ELP4: variants seen among roughly 807,000 people sequenced by gnomAD.
The protein encoded by ELP4 is elongator acetyltransferase complex subunit 4.
Under a neutral mutation model 48.9 loss-of-function variants are expected in ELP4, and 51 were observed. That is an observed-to-expected ratio of 1.04 (90% CI 0.83 to 1.32). The LOEUF (loss-of-function observed/expected upper bound fraction) is 1.32, where lower values mean the gene tolerates loss of function less well. ELP4 is among the 40% of genes most tolerant of loss of function. The pLI, the probability that ELP4 is intolerant of heterozygous loss-of-function variation, is 0.00. For missense variants in ELP4, 519 were observed against 514.6 expected, an observed-to-expected ratio of 1.01 and a Z score of -0.08; for synonymous variants, 210 against 189.2, an observed-to-expected ratio of 1.11 and a Z score of -0.90.
chr11:31,785,345 T>G lies in ELP4; in HGVS notation c.*1821T>G. 5.4e-6 allele frequency: 1 copy of G among 184,080 alleles called. No individual in the cohort carries two copies. The highest frequency in any genetic ancestry group is 1.2e-5 in the Non-Finnish European group (1 of 86,568). 11.4% of individuals were successfully genotyped at this position (184,080 alleles called of 1,614,324 possible). A position where few individuals can be genotyped will look rare whatever the true frequency, so the allele number is the denominator to read the frequency against. ...ATGGAACAATTACATAGCATTTGAC[T>G]TGCTGAAAAAGAGATACGAGGTCAT... On this transcript the variant is annotated 3_prime_UTR_variant, in exon 10 of 10. Transcript: ENST00000640961.
At chr11:31,645,530 A>G (rs1473798932) in intron 7 of ELP4, 1 of 151,804 alleles carries the variant, frequency 6.6e-6, no homozygotes, top group East Asian at 1.9e-4. Context: ...TATTCATATA[A>G]TTGAGAAAGT....
chr11:31,718,295 A>G (rs1946882982), intron 9 of ELP4, among the ~76,000 whole-genome samples: 1 of 152,230 alleles, frequency 6.6e-6, no homozygotes, highest in South Asian at 2.1e-4. Flanking sequence ...TATTTTCTAT[A>G]TGCAGATATA....
intron 7 of ELP4, chr11:31,632,741 G>T (rs1033509338): frequency 8.2e-5 from 14 of 171,526 alleles, no homozygotes; most frequent in South Asian, 3.9e-4. Flanking sequence ...ATGGTTAGTG[G>T]TTTATCTCCC....
intron 9 of ELP4, among the ~76,000 whole-genome samples, chr11:31,742,222 G>A (rs1947471633): frequency 2.0e-5 from 3 of 152,166 alleles, no homozygotes. Flanking sequence ...AACGAACAAA[G>A]CCTACAAGAA....
intron 3 of ELP4, among the ~76,000 whole-genome samples, chr11:31,573,843 A>G (rs1432669474): frequency 1.5e-4 from 23 of 151,884 alleles, no homozygotes; most frequent in Non-Finnish European, 4.4e-5. Context: ...ACTTCAATGT[A>G]CGGACCTGAG....
intron 3 of ELP4, among the ~76,000 whole-genome samples, chr11:31,582,864 C>G (rs566811007): frequency 1.3e-5 from 2 of 152,192 alleles, no homozygotes; most frequent in African/African-American, 4.8e-5. Context: ...CTTCTGAAAG[C>G]CTTAGCAGTG....
intron 9 of ELP4, among the ~76,000 whole-genome samples, chr11:31,690,050 G>T: frequency 6.6e-6 from 1 of 152,108 alleles, no homozygotes; most frequent in East Asian, 1.9e-4. Flanking sequence ...CATGTGTTTC[G>T]TATGCATTAT....
At chr11:31,544,269 C>G (rs1240731598) in intron 3 of ELP4, among the ~76,000 whole-genome samples, 1 of 152,214 alleles carries the variant, frequency 6.6e-6, no homozygotes, top group Non-Finnish European at 1.5e-5. Context: ...TGACAGACGG[C>G]ACCTGGAAAA....
intron 9 of ELP4, among the ~76,000 whole-genome samples, chr11:31,679,274 A>G (rs955516621): frequency 1.3e-5 from 2 of 152,222 alleles, no homozygotes; most frequent in Non-Finnish European, 2.9e-5. Context: ...CATAATCAAG[A>G]CTATACCACA....
chr11:31,520,327 T>G (rs1385176796), intron 2 of ELP4, among the ~76,000 whole-genome samples: 1 of 152,216 alleles, frequency 6.6e-6, no homozygotes, highest in East Asian at 1.9e-4. Flanking sequence ...TGTTCATAGT[T>G]CATTGTGCTC....
rs1944880860 is a variant in ELP4, at chr11:31,632,414, T to C, written c.927+9T>C. Reference sequence around the variant, plus strand: ...CAACACATCTGATCCAGGTACGAAATTTCCAGAACTACTTTTTCATAATTC... The same window carrying C: ...CAACACATCTGATCCAGGTACGAAACTTCCAGAACTACTTTTTCATAATTC... On this transcript the variant is annotated intron_variant, in intron 7 of 9. Transcript: ENST00000640961. 1 of 1,591,374 alleles carries C rather than the reference T, an allele frequency of 6.3e-7. No individual in the cohort carries two copies. The highest frequency in any genetic ancestry group is 2.2e-5 in the East Asian group (1 of 44,646).
At chr11:31,695,268 A>C (rs1223472185) in intron 9 of ELP4, among the ~76,000 whole-genome samples, 1 of 152,114 alleles carries the variant, frequency 6.6e-6, no homozygotes, top group Non-Finnish European at 1.5e-5. Context: ...GTTTTTGCCC[A>C]TTCAGTATGT....
intron 3 of ELP4, among the ~76,000 whole-genome samples, chr11:31,589,448 T>C (rs1957533680): frequency 6.6e-6 from 1 of 152,180 alleles, no homozygotes; most frequent in Non-Finnish European, 1.5e-5. Context: ...ATATGGACAG[T>C]AAAGATCATC....
chr11:31,556,514 C>T (rs1247020300), intron 3 of ELP4, among the ~76,000 whole-genome samples: 5 of 151,722 alleles, frequency 3.3e-5, no homozygotes, highest in Non-Finnish European at 7.4e-5. Context: ...TTTTTATATC[C>T]TTTTCATAAT....
At chr11:31,579,124 G>A (rs928169330) in intron 3 of ELP4, among the ~76,000 whole-genome samples, 1 of 152,190 alleles carries the variant, frequency 6.6e-6, no homozygotes, top group Non-Finnish European at 1.5e-5. Flanking sequence ...AGTGGGCAAA[G>A]GATATGGACA....
At chr11:31,605,041 T>A (rs1270819950) in intron 5 of ELP4, among the ~76,000 whole-genome samples, 1 of 152,088 alleles carries the variant, frequency 6.6e-6, no homozygotes, top group Non-Finnish European at 1.5e-5. Context: ...AATTGATTTA[T>A]CTGAGTTTTA....
At chr11:31,524,573 A>C (rs533001598) in intron 2 of ELP4, among the ~76,000 whole-genome samples, 1 of 152,250 alleles carries the variant, frequency 6.6e-6, no homozygotes, top group African/African-American at 2.4e-5. Flanking sequence ...AAAGGCATGA[A>C]TACCAGGAGA....
At chr11:31,661,005 A>T (rs1334411632) in intron 9 of ELP4, among the ~76,000 whole-genome samples, 1 of 152,058 alleles carries the variant, frequency 6.6e-6, no homozygotes, top group African/African-American at 2.4e-5. Context: ...TTTACATGTT[A>T]TGTATGTATA....
At position 31,564,033 on chromosome 11, in the gene ELP4, G is replaced by C. The variant is rs190696914; in HGVS notation, c.381+24250G>C. Among the ~76,000 whole-genome samples, 4 of 152,202 alleles carry C rather than the reference G, an allele frequency of 2.6e-5. No individual in the cohort carries two copies. The East Asian group carries it at 7.7e-4, about 29-fold the overall frequency. ...AAAACACTAATTAAATTTTTTGTTT[G>C]ATTAGAAACAGTCATTGTAACAAAT... On this transcript the variant is annotated intron_variant, in intron 3 of 9. Transcript: ENST00000640961.
Sources: allele counts gnomAD v4.1 joint callset (sites outside exome capture counted in the v4.1 genomes callset), GRCh38; gene constraint gnomAD v4.1.1; transcripts MANE v1.5; gene names NCBI Gene and HGNC (gene_info 2026-07-23, HGNC 2026-07-21).